FNDC3B: variants seen among roughly 807,000 people sequenced by gnomAD.
FNDC3B encodes fibronectin type III domain-containing protein 3B.
FNDC3B carries 12 observed loss-of-function variants against 151.5 expected under a neutral mutation model. The ratio of observed to expected loss-of-function variants is 0.08; its 90% CI spans 0.05 to 0.13. The LOEUF is 0.13. Among genes scored for constraint, FNDC3B ranks in the 10% least tolerant of loss-of-function variants. The pLI is 1.00. For missense variants in FNDC3B, 1,214 were observed against 1,505.3 expected (o/e 0.81, Z 3.20); for synonymous variants, 528 against 549.0 (o/e 0.96, Z 0.54).
At chr3:172,220,131 C>T (rs1001585606) in intron 3 of FNDC3B, among the ~76,000 whole-genome samples, 9 of 151,576 alleles carry the variant, frequency 5.9e-5, no homozygotes, top group Non-Finnish European at 1.0e-4. Flanking sequence ...TACAAGTTTC[C>T]AATTTCTCCA....
intron 1 of FNDC3B, among the ~76,000 whole-genome samples, chr3:172,106,114 G>A (rs1220593788): frequency 6.6e-6 from 1 of 152,146 alleles, no homozygotes; most frequent in Non-Finnish European, 1.5e-5. Context: ...GAGTATGGAA[G>A]TGAAAAGTTA....
Position 172,090,326 on chromosome 3 carries a change from A to C in FNDC3B, c.-28-22126A>C, listed in dbSNP as rs141570389. Among the ~76,000 whole-genome samples the C allele has an allele frequency of 5.7e-3, 874 of 152,238 alleles. 6 individuals are homozygous for C. The highest frequency in any genetic ancestry group is 0.014 in the Middle Eastern group (4 of 294). On this transcript the variant is annotated intron_variant, in intron 1 of 25. Coordinates refer to ENST00000415807, the MANE Select transcript of FNDC3B (RefSeq NM_022763.4). The stretch of plus-strand genomic sequence containing the variant: ...TGACAGCCATCTCTAATTATCACTG[A>C]GCGGGGGCAGTGAATCTTTCTCAAC...
rs945214161 is a variant in FNDC3B at position 172,352,799 on chromosome 3, G to A, written c.2515-4G>A. On this transcript the variant is annotated splice_region_variant and splice_polypyrimidine_tract_variant and intron_variant, in intron 21 of 25. Transcript: ENST00000415807. This position sits in a 1 kb window ranked among gnomAD's most constrained non-coding sequence, Gnocchi z 4.2. Reference sequence around the variant, plus strand: ...GGCCTTTGTCTTGCTGTTCTGTTTTGTAGGCCTTCAATCAAGCAGGGGCAG... The same window carrying A: ...GGCCTTTGTCTTGCTGTTCTGTTTTATAGGCCTTCAATCAAGCAGGGGCAG... 1.2e-6 allele frequency: 2 copies of A among 1,612,438 alleles called. No homozygotes were observed. Among genetic ancestry groups the A allele is most frequent in the Non-Finnish European group, 8.5e-7 (1 of 1,179,586 alleles).
intron 5 of FNDC3B, among the ~76,000 whole-genome samples, chr3:172,248,734 T>G (rs1017110894): frequency 6.7e-6 from 1 of 148,342 alleles, no homozygotes; most frequent in African/African-American, 2.4e-5. Context: ...TATAATTATA[T>G]TTTTATATAT....
chr3:172,120,846 C>A (rs1720507053), intron 2 of FNDC3B, among the ~76,000 whole-genome samples: 1 of 152,054 alleles, frequency 6.6e-6, no homozygotes, highest in South Asian at 2.1e-4. Context: ...TGCCTGTAGT[C>A]CCAGCTACTC....
intron 2 of FNDC3B, among the ~76,000 whole-genome samples, chr3:172,131,265 G>A (rs1279673937): frequency 3.9e-5 from 6 of 151,952 alleles, no homozygotes; most frequent in African/African-American, 1.2e-4. Context: ...TGGTGGTGCA[G>A]GCCTGTAATC....
chr3:172,362,956 C>A, intron 23 of FNDC3B, 111 bp downstream of exon 23: 3 of 814,112 alleles, frequency 3.7e-6, no homozygotes, highest in South Asian at 1.8e-5. Context: ...CCTTCTTGTT[C>A]AGAGGCTTCC....
In FNDC3B at chr3:172,200,002, TATTC is replaced by T. The variant is rs1238059887; in HGVS notation, c.188-26840_188-26837del. ...CACATTTCTGTTTTACAATACTTTG[TATTC>T]ATTCATTCATTCATTCATTCATTCA... On this transcript the variant is annotated intron_variant, in intron 3 of 25. Transcript: ENST00000415807. 9.0e-3 allele frequency among the ~76,000 whole-genome samples: 1,358 copies of T among 150,866 alleles called. 20 individuals carry two copies. Among genetic ancestry groups the T allele is most frequent in the African/African-American group, 0.031 (1,256 of 40,928 alleles).
chr3:172,303,009 AATACTT>A (rs1236051529), intron 9 of FNDC3B: 1 of 106,988 alleles, frequency 9.3e-6, no homozygotes, highest in Non-Finnish European at 1.8e-5. Flanking sequence ...TTATATTTTA[AATACTT>A]ATATATATAT....
In FNDC3B at chr3:172,378,418, G is replaced by T; in HGVS notation, c.3157G>T (p.Val1053Phe). The T allele has an allele frequency of 6.2e-7, 1 of 1,612,080 alleles. No homozygotes were observed. Among genetic ancestry groups the T allele is most frequent in the South Asian group, 1.1e-5 (1 of 90,768 alleles). ...CTATACCTTCAGCACAACCAAAAGT[G>T]TCCCCCCCACCATCAAAGGTGTGTA... ...ETYTFSTTKS[V>F]PPTIKAPRVT... Residue 1053 changes from valine (V) to phenylalanine (F), a missense_variant, in exon 24 of 26, where the codon GTC becomes TTC. By Grantham distance (50) the Val-to-Phe change is conservative. Around this residue, in one of 7 missense-constraint regions of FNDC3B, gnomAD observed 284 missense variants for 392.4 expected, o/e 0.72. Coordinates refer to ENST00000415807, the MANE Select transcript of FNDC3B (RefSeq NM_022763.4).
Position 172,304,373 on chromosome 3 carries a change from A to G in FNDC3B, c.1062-2990A>G, listed in dbSNP as rs141930317. ...TATAGGACCTGATCTGCCTGGGTAT[A>G]CTTCTGCATTTGTAGGCAAATGCCC... On this transcript the variant is annotated intron_variant, in intron 9 of 25. Transcript: ENST00000415807. 1.7e-3 allele frequency among the ~76,000 whole-genome samples: 255 copies of G among 152,296 alleles called. 2 individuals are homozygous for G. The highest frequency in any genetic ancestry group is 2.5e-3 in the Non-Finnish European group (167 of 68,028).
chr3:172,204,443 A>T (rs1331774297), intron 3 of FNDC3B, among the ~76,000 whole-genome samples: 1 of 152,178 alleles, frequency 6.6e-6, no homozygotes, highest in East Asian at 1.9e-4. Flanking sequence ...TAGAACTCTG[A>T]GTTTCCAACT....
chr3:172,104,687 T>C (rs1285056862), intron 1 of FNDC3B, among the ~76,000 whole-genome samples: 1 of 152,170 alleles, frequency 6.6e-6, no homozygotes, highest in Non-Finnish European at 1.5e-5. Context: ...TGGTGTAGTG[T>C]TACTGGGAAG....
At chr3:172,346,012 C>G (rs759642809) in intron 19 of FNDC3B, 16 of 165,876 alleles carry the variant, frequency 9.6e-5, no homozygotes, top group Non-Finnish European at 1.9e-4. Flanking sequence ...AATATGAAAG[C>G]AGATTGCCCT....
At chr3:172,244,034 C>T (rs1437455643) in intron 4 of FNDC3B, among the ~76,000 whole-genome samples, 1 of 152,236 alleles carries the variant, frequency 6.6e-6, no homozygotes, top group Non-Finnish European at 1.5e-5. Flanking sequence ...TTTCTGAAAT[C>T]ACCACACTTC....
At chr3:172,388,522 C>G (rs1735844742) in intron 25 of FNDC3B, among the ~76,000 whole-genome samples, 1 of 152,124 alleles carries the variant, frequency 6.6e-6, no homozygotes, top group Non-Finnish European at 1.5e-5. Flanking sequence ...AGAGGAAAAG[C>G]CCATAAGGGT....
intron 23 of FNDC3B, among the ~76,000 whole-genome samples, chr3:172,374,851 G>A (rs1370338436): frequency 6.6e-6 from 1 of 152,158 alleles, no homozygotes; most frequent in Non-Finnish European, 1.5e-5. Context: ...CTCAGAAATT[G>A]CATTTACTGA....
At chr3:172,191,523 G>T (rs1421538421) in intron 3 of FNDC3B, among the ~76,000 whole-genome samples, 1 of 151,986 alleles carries the variant, frequency 6.6e-6, no homozygotes, top group East Asian at 1.9e-4. Flanking sequence ...AAGAGATGAG[G>T]TCTCACTCTG....
chr3:172,363,170 C>G (rs1474353201), intron 23 of FNDC3B, among the ~76,000 whole-genome samples: 3 of 152,008 alleles, frequency 2.0e-5, no homozygotes, highest in Non-Finnish European at 4.4e-5. Flanking sequence ...TTATATTAGT[C>G]ATGAGTGCAG....
Sources: allele counts gnomAD v4.1 joint callset (sites outside exome capture counted in the v4.1 genomes callset), GRCh38; gene constraint gnomAD v4.1.1; regional missense constraint gnomAD v4.1.1; non-coding constraint Gnocchi (gnomAD v3.1); transcripts MANE v1.5; gene names NCBI Gene and HGNC (gene_info 2026-07-23, HGNC 2026-07-21).